PRKAG2: variants seen among roughly 807,000 people sequenced by gnomAD.
The protein encoded by PRKAG2 is protein kinase AMP-activated non-catalytic subunit gamma 2.
Under a neutral mutation model 69.6 loss-of-function variants are expected in PRKAG2, and 26 were observed. The observed-to-expected ratio is 0.37, with a 90% CI of 0.27 to 0.52. PRKAG2 has a LOEUF of 0.52. Among genes scored for constraint, PRKAG2 ranks in the 20% least tolerant of loss-of-function variants. PRKAG2 has a pLI of 0.90. For missense variants in PRKAG2, 557 were observed against 740.0 expected (o/e 0.75, Z 2.87); for synonymous variants, 293 against 285.0 (o/e 1.03, Z -0.28).
chr7:151,623,193 C>T (rs1348060073), intron 5 of PRKAG2, among the ~76,000 whole-genome samples: 9 of 151,646 alleles, frequency 5.9e-5, no homozygotes, highest in African/African-American at 1.2e-4. Flanking sequence ...GGTAAAACCC[C>T]GTCTCTACAA....
chr7:151,876,838 G>C lies in PRKAG2; in HGVS notation c.-218C>G. The C allele has an allele frequency of 1.6e-6, 1 of 609,518 alleles. No homozygotes were observed. Among genetic ancestry groups the C allele is most frequent in the Non-Finnish European group, 2.9e-6 (1 of 341,430 alleles). The allele number at this position is 609,518 out of a possible 1,614,324, so 37.8% of individuals were successfully genotyped here. ...AAGCGTCCTTTCCTACGGAACCCTC[G>C]TAGGCAAATCAGTCAAAGCCCGTCC... is the stretch of plus-strand genomic sequence containing the variant. On this transcript the variant is annotated 5_prime_UTR_variant, in exon 1 of 16. Transcript: ENST00000287878.
intron 3 of PRKAG2, among the ~76,000 whole-genome samples, chr7:151,720,973 G>A (rs944934979): frequency 2.7e-5 from 4 of 147,646 alleles, no homozygotes; most frequent in African/African-American, 7.6e-5. Flanking sequence ...AACAGAAGGA[G>A]ATGGAGCAGG....
At chr7:151,585,379 G>A (rs1811409375) in intron 6 of PRKAG2, among the ~76,000 whole-genome samples, 1 of 152,144 alleles carries the variant, frequency 6.6e-6, no homozygotes, top group African/African-American at 2.4e-5. Flanking sequence ...TAAGGCACAG[G>A]AGCAAGAGAC....
intron 1 of PRKAG2, among the ~76,000 whole-genome samples, chr7:151,857,129 G>GGA (rs760170295): frequency 1.6e-5 from 2 of 122,742 alleles, no homozygotes; most frequent in Non-Finnish European, 3.3e-5. Flanking sequence ...ATCATTGCTG[G>GGA]AAAAAAAAAA....
intron 6 of PRKAG2, among the ~76,000 whole-genome samples, chr7:151,594,376 T>A (rs1182234869): frequency 6.6e-6 from 1 of 152,246 alleles, no homozygotes; most frequent in Non-Finnish European, 1.5e-5. Context: ...CACAGATATG[T>A]GTGTAGACAC....
chr7:151,850,297 T>C lies in PRKAG2; in HGVS notation c.114+26210A>G, dbSNP rs1425923136. Among the ~76,000 whole-genome samples, 1 of 152,202 alleles carries C rather than the reference T, an allele frequency of 6.6e-6. No individual in the cohort carries two copies. Among genetic ancestry groups the C allele is most frequent in the Non-Finnish European group, 1.5e-5 (1 of 68,040 alleles). ...CCTAGAACGCTTCTTGAGTGTTTAA[T>C]GGAAAGACGCCTGTCCAGAAGGTTT... On this transcript the variant is annotated intron_variant, in intron 1 of 15. Coordinates refer to ENST00000287878, the MANE Select transcript of PRKAG2 (RefSeq NM_016203.4). The surrounding 1 kb of genome is among the most constrained non-coding windows in gnomAD (Gnocchi z 4.1).
chr7:151,782,178 G>A (rs1440500626), intron 2 of PRKAG2, among the ~76,000 whole-genome samples: 1 of 151,990 alleles, frequency 6.6e-6, no homozygotes, highest in African/African-American at 2.4e-5. Flanking sequence ...AGCTACTCAG[G>A]AGGCTGAGGC....
chr7:151,593,047 A>C (rs142729286), intron 6 of PRKAG2, among the ~76,000 whole-genome samples: 257 of 152,354 alleles, frequency 1.7e-3, no homozygotes, highest in African/African-American at 5.9e-3. Context: ...AGTGATATTT[A>C]CTGGATCAGT....
intron 1 of PRKAG2, among the ~76,000 whole-genome samples, chr7:151,866,618 G>C (rs1230635194): frequency 6.6e-6 from 1 of 152,138 alleles, no homozygotes; most frequent in Non-Finnish European, 1.5e-5. Flanking sequence ...GTTGCATGGA[G>C]GAAGAAGGCT....
chr7:151,845,189 C>T (rs1421035037), intron 1 of PRKAG2, among the ~76,000 whole-genome samples: 1 of 152,036 alleles, frequency 6.6e-6, no homozygotes, highest in Non-Finnish European at 1.5e-5. Flanking sequence ...CCCTCTTCAC[C>T]CCGACAGCCT....
intron 5 of PRKAG2, among the ~76,000 whole-genome samples, chr7:151,596,284 ACTC>A (rs1224721772): frequency 1.3e-5 from 2 of 152,238 alleles, no homozygotes; most frequent in Non-Finnish European, 2.9e-5. Context: ...CAAGATATAA[ACTC>A]AACATAAAAA....
At chr7:151,570,398 T>G (rs1038818354) in intron 9 of PRKAG2, among the ~76,000 whole-genome samples, 173 bp from the exon 10 acceptor site, 1 of 152,240 alleles carries the variant, frequency 6.6e-6, no homozygotes, top group African/African-American at 2.4e-5. Flanking sequence ...ATGGCTATTT[T>G]AAACAACTTC....
At chr7:151,762,595 C>G (rs1432209005) in intron 3 of PRKAG2, among the ~76,000 whole-genome samples, 1 of 152,186 alleles carries the variant, frequency 6.6e-6, no homozygotes, top group Non-Finnish European at 1.5e-5. Flanking sequence ...CTATGCCAAG[C>G]ATCCTCTGTG....
intron 13 of PRKAG2, 85 bp downstream of exon 13, chr7:151,565,261 A>G: frequency 9.1e-7 from 1 of 1,099,116 alleles, no homozygotes; most frequent in South Asian, 1.6e-5. Flanking sequence ...TTAAATTAAG[A>G]AACAAGATAA....
intron 5 of PRKAG2, among the ~76,000 whole-genome samples, chr7:151,604,345 T>G (rs1585170569): frequency 6.6e-6 from 1 of 152,210 alleles, no homozygotes; most frequent in East Asian, 1.9e-4. Context: ...AAGAAAATCA[T>G]AATGAATGTG....
At chr7:151,821,396 G>A (rs1194963352) in intron 1 of PRKAG2, among the ~76,000 whole-genome samples, 1 of 152,174 alleles carries the variant, frequency 6.6e-6, no homozygotes, top group Non-Finnish European at 1.5e-5. Context: ...CCCAGGCTTG[G>A]CACACACAGA....
chr7:151,727,759 TC>T (rs900053986), intron 3 of PRKAG2, among the ~76,000 whole-genome samples: 1 of 152,086 alleles, frequency 6.6e-6, no homozygotes, highest in African/African-American at 2.4e-5. Context: ...AGGCCCTGTA[TC>T]CCCTGGGAGG....
chr7:151,631,638 C>T (rs1189294459), intron 5 of PRKAG2: 2 of 455,104 alleles, frequency 4.4e-6, no homozygotes, highest in Admixed American at 4.7e-5. Context: ...CACACCCTAC[C>T]GGTCATATCT....
At chr7:151,564,617 C>A (rs764323809) in intron 13 of PRKAG2, among the ~76,000 whole-genome samples, 3 of 152,092 alleles carry the variant, frequency 2.0e-5, no homozygotes, top group African/African-American at 7.2e-5. Context: ...GCTGCAGCAA[C>A]GGACCTTCTC....
Sources: allele counts gnomAD v4.1 joint callset (sites outside exome capture counted in the v4.1 genomes callset), GRCh38; gene constraint gnomAD v4.1.1; non-coding constraint Gnocchi (gnomAD v3.1); transcripts MANE v1.5; gene names NCBI Gene and HGNC (gene_info 2026-07-23, HGNC 2026-07-21).